LRBA: variants seen among roughly 807,000 people sequenced by gnomAD.
LRBA encodes lipopolysaccharide-responsive and beige-like anchor protein.
In LRBA, 176 loss-of-function variants were observed where a neutral mutation model predicts 330.0. That is an observed-to-expected ratio of 0.53 (90% CI 0.47 to 0.60). The LOEUF is 0.60. LRBA is among the 20% of genes least tolerant of loss of function. The pLI is 0.00. For missense variants in LRBA, 3,259 were observed against 3,444.8 expected, an observed-to-expected ratio of 0.95 and a Z score of 1.35; for synonymous variants, 1,230 against 1,193.0, an observed-to-expected ratio of 1.03 and a Z score of -0.64.
At chr4:150,870,735 C>A in intron 19 of LRBA, 129 bp from the exon 20 acceptor site, 2 of 529,378 alleles carry the variant, frequency 3.8e-6, no homozygotes, top group Non-Finnish European at 6.7e-6. Flanking sequence ...TATTTTTAGT[C>A]CAATATTGTC....
chr4:150,977,156 G>C (rs1740275836), intron 2 of LRBA, among the ~76,000 whole-genome samples: 1 of 152,202 alleles, frequency 6.6e-6, no homozygotes, highest in South Asian at 2.1e-4. Flanking sequence ...GGAAGTACTT[G>C]CGCCACTCCT....
At chr4:150,697,323 C>CGGAAAAAAA in intron 36 of LRBA, among the ~76,000 whole-genome samples, 1 of 1,484 alleles carries the variant, frequency 6.7e-4, no homozygotes, top group Non-Finnish European at 5.9e-3. Context: ...GACTTTGTCT[C>CGGAAAAAAA]AGAAAAAAAA....
At chr4:150,922,394 G>GTATATA (rs56340108) in intron 4 of LRBA, among the ~76,000 whole-genome samples, 38,563 of 139,172 alleles carry the variant, frequency 0.28, 5,931 homozygotes, top group Non-Finnish European at 0.36. Flanking sequence ...AGAAACTGTG[G>GTATATA]TATATATATA....
At chr4:150,658,387 T>C (rs2126799949) in intron 37 of LRBA, among the ~76,000 whole-genome samples, 1 of 151,182 alleles carries the variant, frequency 6.6e-6, no homozygotes. Flanking sequence ...CTGAAATCTT[T>C]CCTTATTAGA....
chr4:150,633,392 G>C (rs1777570599), intron 37 of LRBA, among the ~76,000 whole-genome samples: 1 of 152,122 alleles, frequency 6.6e-6, no homozygotes, highest in Non-Finnish European at 1.5e-5. Context: ...CATTTCTTTT[G>C]TTCACTGTCT....
chr4:150,505,356 A>C (rs1403088607), intron 40 of LRBA, among the ~76,000 whole-genome samples: 1 of 152,218 alleles, frequency 6.6e-6, no homozygotes, highest in East Asian at 1.9e-4. Context: ...CAAATGTAAA[A>C]GAACAGAAAT....
At chr4:150,685,007 T>C (rs1783407440) in intron 36 of LRBA, among the ~76,000 whole-genome samples, 1 of 152,038 alleles carries the variant, frequency 6.6e-6, no homozygotes, top group African/African-American at 2.4e-5. Context: ...CTGGTACAGG[T>C]AGGGCAAAGT....
intron 36 of LRBA, among the ~76,000 whole-genome samples, chr4:150,717,567 G>T (rs1417942659): frequency 6.6e-6 from 1 of 151,398 alleles, no homozygotes; most frequent in Non-Finnish European, 1.5e-5. Context: ...GGCTGAGGTG[G>T]GAAGATCACT....
At chr4:150,413,951 A>G in intron 47 of LRBA, among the ~76,000 whole-genome samples, 1 of 53,592 alleles carries the variant, frequency 1.9e-5, no homozygotes, top group East Asian at 5.7e-4. Context: ...GAGCAAGTTT[A>G]GTCTTCATCT....
At chr4:150,807,670 G>A (rs1365760292) in intron 32 of LRBA, among the ~76,000 whole-genome samples, 2 of 151,488 alleles carry the variant, frequency 1.3e-5, no homozygotes, top group African/African-American at 4.9e-5. Context: ...TGTTGAGATG[G>A]AGTCTCACTC....
At chr4:150,686,218 G>A (rs1783617357) in intron 36 of LRBA, among the ~76,000 whole-genome samples, 1 of 152,210 alleles carries the variant, frequency 6.6e-6, no homozygotes, top group Non-Finnish European at 1.5e-5. Flanking sequence ...GAGAGTACCT[G>A]AGTTCAACCT....
At chr4:150,522,129 CA>C (rs1762978865) in intron 40 of LRBA, among the ~76,000 whole-genome samples, 1 of 152,000 alleles carries the variant, frequency 6.6e-6, no homozygotes, top group Non-Finnish European at 1.5e-5. Context: ...GGGCTAAAAC[CA>C]AACCTGAGTT....
intron 40 of LRBA, among the ~76,000 whole-genome samples, chr4:150,501,713 T>G (rs1760300772): frequency 6.6e-6 from 1 of 151,946 alleles, no homozygotes; most frequent in Non-Finnish European, 1.5e-5. Flanking sequence ...ACATAAAAAT[T>G]TTTAAAAATC....
chr4:150,364,110 C>G (rs1561070726), intron 47 of LRBA, among the ~76,000 whole-genome samples: 1 of 152,064 alleles, frequency 6.6e-6, no homozygotes. Flanking sequence ...TCAATAGTGT[C>G]CAGAAGACAG....
chr4:150,996,819 TACTA>T (rs543577925), intron 2 of LRBA, among the ~76,000 whole-genome samples: 83 of 152,286 alleles, frequency 5.5e-4, no homozygotes, highest in African/African-American at 1.7e-3. Context: ...AATGCCATCT[TACTA>T]ACTATGACAC....
At chr4:150,423,348 G>A (rs561499087) in intron 46 of LRBA, 28 of 685,772 alleles carry the variant, frequency 4.1e-5, no homozygotes, top group Admixed American at 1.4e-4. Context: ...GTGAGGAGGC[G>A]TCAAGGGTCT....
intron 28 of LRBA, among the ~76,000 whole-genome samples, chr4:150,833,123 T>C (rs1032943442): frequency 6.6e-5 from 10 of 151,632 alleles, no homozygotes; most frequent in Admixed American, 3.3e-4. Context: ...CAATTATATA[T>C]CAAGATTTAA....
chr4:150,614,903 C>T (rs531464410), intron 37 of LRBA, among the ~76,000 whole-genome samples: 1 of 152,162 alleles, frequency 6.6e-6, no homozygotes, highest in East Asian at 1.9e-4. Context: ...TATCAGCTGG[C>T]CATATCTGTG....
chr4:150,833,394 A>C (rs1263753814), intron 28 of LRBA, among the ~76,000 whole-genome samples: 4 of 152,086 alleles, frequency 2.6e-5, no homozygotes, highest in Admixed American at 2.6e-4. Context: ...ATTTAAAATA[A>C]GAACATGAAG....
Sources: allele counts gnomAD v4.1 joint callset (sites outside exome capture counted in the v4.1 genomes callset), GRCh38; gene constraint gnomAD v4.1.1; transcripts MANE v1.5; gene names NCBI Gene and HGNC (gene_info 2026-07-23, HGNC 2026-07-21).